RPS6KC1: variants seen among roughly 807,000 people sequenced by gnomAD.
RPS6KC1 encodes the protein ribosomal protein S6 kinase C1.
A neutral mutation model predicts 103.8 loss-of-function variants in RPS6KC1; 54 were observed. The observed-to-expected ratio is 0.52, with a 90% CI of 0.42 to 0.65. RPS6KC1 has a LOEUF of 0.65. Among genes scored for constraint, RPS6KC1 ranks in the 30% least tolerant of loss-of-function variants. The probability of loss-of-function intolerance (pLI) is 0.00; values close to 1 mark genes in which losing one functional copy is unlikely to be tolerated. For missense variants in RPS6KC1, 1,151 were observed against 1,253.8 expected, an observed-to-expected ratio of 0.92 and a Z score of 1.24; for synonymous variants, 439 against 438.7, an observed-to-expected ratio of 1.00 and a Z score of -0.01.
At chr1:213,625,604 G>A in the RPS6KC1 span, among the ~76,000 whole-genome samples, 12 of 152,146 alleles carry the variant, frequency 7.9e-5, no homozygotes, top group Admixed American at 2.0e-4. Context: ...AACAGTCCCC[G>A]GTGTGTGATG....
intron 8 of RPS6KC1, among the ~76,000 whole-genome samples, chr1:213,177,252 C>G (rs1558481684): frequency 6.6e-6 from 1 of 152,152 alleles, no homozygotes; most frequent in Admixed American, 6.5e-5. Flanking sequence ...CCACAGACAA[C>G]AAACCATGTT....
chr1:213,573,417 C>T, the RPS6KC1 span, among the ~76,000 whole-genome samples: 1 of 152,178 alleles, frequency 6.6e-6, no homozygotes, highest in Non-Finnish European at 1.5e-5. Context: ...TTGGTTGGGA[C>T]TCTCATAAGA....
chr1:213,524,089 A>G, the RPS6KC1 span, among the ~76,000 whole-genome samples: 3 of 152,270 alleles, frequency 2.0e-5, no homozygotes, highest in Admixed American at 6.5e-5. Flanking sequence ...TGGTCCTATT[A>G]TGTCAGAATG....
the RPS6KC1 span, among the ~76,000 whole-genome samples, chr1:213,559,207 AG>A: frequency 3.3e-5 from 5 of 152,340 alleles, no homozygotes; most frequent in Admixed American, 6.5e-5. Context: ...GACTTGCTCA[AG>A]GTCTCCCACT....
the RPS6KC1 span, among the ~76,000 whole-genome samples, chr1:213,355,630 C>T: frequency 0.027 from 4,164 of 152,230 alleles, 79 homozygotes; most frequent in Non-Finnish European, 0.041. Flanking sequence ...ATTACCTAAA[C>T]TTGAATTAAG....
intron 1 of RPS6KC1, among the ~76,000 whole-genome samples, chr1:213,064,638 G>C (rs1219683069): frequency 2.0e-5 from 3 of 148,780 alleles, no homozygotes; most frequent in Non-Finnish European, 1.5e-5. Flanking sequence ...AAAGTGCTGA[G>C]ATTACAGGTG....
the RPS6KC1 span, among the ~76,000 whole-genome samples, chr1:213,505,715 C>T: frequency 6.6e-6 from 1 of 152,172 alleles, no homozygotes; most frequent in Admixed American, 6.5e-5. Context: ...GGGGTTCAGA[C>T]CTGGGCAGGG....
At chr1:213,234,986 T>C (rs1440922521) in intron 10 of RPS6KC1, among the ~76,000 whole-genome samples, 1 of 152,196 alleles carries the variant, frequency 6.6e-6, no homozygotes, top group Admixed American at 6.5e-5. Flanking sequence ...AGCAATGCAG[T>C]GAACTGGATG....
the RPS6KC1 span, among the ~76,000 whole-genome samples, chr1:213,702,677 A>G: frequency 6.6e-6 from 1 of 151,350 alleles, no homozygotes; most frequent in Non-Finnish European, 1.5e-5. Context: ...TAATTCTTTG[A>G]CTCTTCTTAC....
chr1:213,226,040 G>A (rs749587294), intron 8 of RPS6KC1, among the ~76,000 whole-genome samples: 11 of 151,896 alleles, frequency 7.2e-5, no homozygotes, highest in Non-Finnish European at 1.3e-4. Flanking sequence ...TGGCTAACAC[G>A]GTGAAACCCT....
the RPS6KC1 span, among the ~76,000 whole-genome samples, chr1:213,605,432 G>C: frequency 2.6e-5 from 4 of 152,186 alleles, no homozygotes; most frequent in Non-Finnish European, 5.9e-5. Context: ...ATTCAGCTTT[G>C]TGGATGTAAC....
the RPS6KC1 span, among the ~76,000 whole-genome samples, chr1:213,500,020 A>C: frequency 6.6e-6 from 1 of 152,198 alleles, no homozygotes; most frequent in Admixed American, 6.5e-5. Context: ...TAGACTTTAT[A>C]AGGACTATAC....
chr1:213,206,898 G>T (rs951757034), intron 8 of RPS6KC1, among the ~76,000 whole-genome samples: 8 of 152,134 alleles, frequency 5.3e-5, no homozygotes, highest in African/African-American at 1.9e-4. Context: ...GGATCACGAG[G>T]TCAGGAGTTT....
the RPS6KC1 span, among the ~76,000 whole-genome samples, chr1:213,766,580 A>G: frequency 6.6e-6 from 1 of 152,236 alleles, no homozygotes; most frequent in Non-Finnish European, 1.5e-5. Context: ...GTTCTTCTCA[A>G]TGACCTCCTG....
intron 12 of RPS6KC1, among the ~76,000 whole-genome samples, chr1:213,252,786 A>G (rs1297617365): frequency 6.6e-6 from 1 of 152,160 alleles, no homozygotes; most frequent in Non-Finnish European, 1.5e-5. Flanking sequence ...ACTACTGATT[A>G]TCATTTTAAT....
At chr1:213,181,884 T>G (rs1428076607) in intron 8 of RPS6KC1, among the ~76,000 whole-genome samples, 1 of 152,168 alleles carries the variant, frequency 6.6e-6, no homozygotes, top group African/African-American at 2.4e-5. Flanking sequence ...TCTTGTCACG[T>G]TAGGAAGAAA....
At chr1:213,055,017 A>C (rs1426240750) in intron 1 of RPS6KC1, among the ~76,000 whole-genome samples, 1 of 152,218 alleles carries the variant, frequency 6.6e-6, no homozygotes, top group African/African-American at 2.4e-5. Flanking sequence ...TCTTTCCATG[A>C]GTATAAAAGG....
the RPS6KC1 span, among the ~76,000 whole-genome samples, chr1:213,632,716 A>G: frequency 6.6e-6 from 1 of 152,268 alleles, no homozygotes; most frequent in Non-Finnish European, 1.5e-5. Context: ...CGACAGAAGC[A>G]GGCTTCAGAA....
At chr1:213,520,390 G>A in the RPS6KC1 span, among the ~76,000 whole-genome samples, 7 of 152,182 alleles carry the variant, frequency 4.6e-5, no homozygotes, top group South Asian at 1.5e-3. Flanking sequence ...AACAGTATGA[G>A]GAAAACCACC....
Sources: gnomAD v4.1 joint callset for allele counts (sites outside exome capture counted in the v4.1 genomes callset) on GRCh38, gnomAD v4.1.1 for gene constraint, MANE v1.5 for transcripts, NCBI Gene and HGNC (gene_info 2026-07-23, HGNC 2026-07-21) for gene names.